Variants in ARFGEF2 observed in about 807,000 individuals in gnomAD.
ARFGEF2 encodes the protein ARF guanine nucleotide exchange factor 2.
Under a neutral mutation model 219.9 loss-of-function variants are expected in ARFGEF2, and 74 were observed. The observed-to-expected ratio is 0.34, with a 90% CI of 0.28 to 0.41. The LOEUF (loss-of-function observed/expected upper bound fraction) is 0.41. Among genes scored for constraint, ARFGEF2 ranks in the 10% least tolerant of loss-of-function variants. The pLI is 1.00. For missense variants in ARFGEF2, 1,743 were observed against 2,218.3 expected, an observed-to-expected ratio of 0.79 and a Z score of 4.30; for synonymous variants, 733 against 799.2, an observed-to-expected ratio of 0.92 and a Z score of 1.40.
chr20:49,003,841 A>T (rs1029102655), intron 25 of ARFGEF2, among the ~76,000 whole-genome samples: 2 of 152,188 alleles, frequency 1.3e-5, no homozygotes, highest in Admixed American at 1.3e-4. Flanking sequence ...ATAGACAAGT[A>T]CAATTTTTAA....
intron 26 of ARFGEF2, among the ~76,000 whole-genome samples, chr20:49,006,456 T>C (rs1247511874): frequency 6.6e-6 from 1 of 152,200 alleles, no homozygotes; most frequent in East Asian, 1.9e-4. Flanking sequence ...CAAATCTCTG[T>C]TTAATTCCAA....
At chr20:49,000,477 C>A (rs1421957036) in intron 25 of ARFGEF2, among the ~76,000 whole-genome samples, 7 of 152,136 alleles carry the variant, frequency 4.6e-5, no homozygotes, top group African/African-American at 1.4e-4. Flanking sequence ...TGTGGATGAT[C>A]CAGGGGAACT....
chr20:48,923,850 G>T (rs2090859247), intron 1 of ARFGEF2, among the ~76,000 whole-genome samples: 1 of 152,182 alleles, frequency 6.6e-6, no homozygotes, highest in Admixed American at 6.5e-5. Flanking sequence ...TTAACGCTGA[G>T]AATTTAATAG....
chr20:49,015,448 A>C (rs2091523848), intron 30 of ARFGEF2, among the ~76,000 whole-genome samples: 1 of 152,204 alleles, frequency 6.6e-6, no homozygotes, highest in Non-Finnish European at 1.5e-5. Flanking sequence ...ATGGCTACAA[A>C]ATAGTCTTAG....
rs373458714 is a variant in ARFGEF2 at position 48,976,023 on chromosome 20, G to A, written c.1782G>A (p.Glu594=). 1.0e-4 allele frequency: 167 copies of A among 1,612,264 alleles called. 1 individual carries two copies. In the South Asian group the frequency reaches 1.6e-3, roughly 15 times the overall value. The change falls in exon 14 of 39, where the codon GAG becomes GAA. Residue 594 remains glutamate (E), a synonymous_variant. Transcript: ENST00000371917. ...NPNHQTSLGQ[E]RLTDQEIGDG... ...ACTTTTGTTTCTCCGCAGGTCAGGA[G>A]AGGCTCACGGATCAGGAAATAGGGG...
At chr20:48,924,511 CAAAAAAAA>C (rs11476973) in intron 1 of ARFGEF2, among the ~76,000 whole-genome samples, 2 of 78,444 alleles carry the variant, frequency 2.5e-5, no homozygotes, top group African/African-American at 1.0e-4. Context: ...GACTCTGTCT[CAAAAAAAA>C]AAAAAAAAAA....
At chr20:48,950,771 A>G (rs1374817327) in intron 3 of ARFGEF2, among the ~76,000 whole-genome samples, 1 of 134,058 alleles carries the variant, frequency 7.5e-6, no homozygotes, top group African/African-American at 2.7e-5. Context: ...ATTCCAGCCT[A>G]GGTAACAGAA....
intron 6 of ARFGEF2, among the ~76,000 whole-genome samples, chr20:48,954,754 C>T (rs891574898): frequency 6.6e-6 from 1 of 152,072 alleles, no homozygotes; most frequent in Non-Finnish European, 1.5e-5. Flanking sequence ...AAAAAATTGC[C>T]ACCAAGAATG....
chr20:48,940,372 A>G (rs940204547), intron 1 of ARFGEF2, among the ~76,000 whole-genome samples: 4 of 152,250 alleles, frequency 2.6e-5, no homozygotes, highest in Admixed American at 2.6e-4. Flanking sequence ...TGATTAAGAA[A>G]AAGTATGTAT....
intron 36 of ARFGEF2, 86 bp from the exon 37 acceptor site, chr20:49,028,444 C>T (rs2091615833): frequency 2.1e-6 from 3 of 1,417,948 alleles, no homozygotes; most frequent in South Asian, 2.3e-5. Flanking sequence ...TTTCATATTT[C>T]ATAAAATAAC....
At chr20:49,021,537 AG>A (rs1173696687) in intron 34 of ARFGEF2, among the ~76,000 whole-genome samples, 1 of 151,966 alleles carries the variant, frequency 6.6e-6, no homozygotes, top group Non-Finnish European at 1.5e-5. Context: ...TAATTTGAAC[AG>A]GGAAAATTCA....
In ARFGEF2 at chr20:48,997,148, G is replaced by A. The variant is rs1269230206; in HGVS notation, c.3222-1045G>A. On this transcript the variant is annotated intron_variant, in intron 23 of 38. Transcript: ENST00000371917. ...TCTATTGTTAAGTGCATATAATGTC[G>A]TGTCTTTTGTGTTCCCATCTTCTTC... is the stretch of plus-strand genomic sequence containing the variant. Among the ~76,000 whole-genome samples the A allele has an allele frequency of 5.9e-5, 9 of 151,744 alleles. No individual in the cohort carries two copies. The South Asian group carries it at 1.0e-3, about 18-fold the overall frequency.
intron 1 of ARFGEF2, among the ~76,000 whole-genome samples, chr20:48,922,592 G>A (rs2090850056): frequency 6.6e-6 from 1 of 152,222 alleles, no homozygotes; most frequent in African/African-American, 2.4e-5. Context: ...TAAAATACAA[G>A]GTCTTCAGCG....
chr20:48,984,736 A>C lies in ARFGEF2; in HGVS notation c.1966A>C (p.Lys656Gln). ...IIEHGIELFN[K>Q]KPKRGIQFLQ... Reference sequence around the variant, plus strand: ...CATCTCTGCTTGAAACAGGTTCAACAAGAAACCCAAGAGGGGGATCCAGTT... The same window carrying C: ...CATCTCTGCTTGAAACAGGTTCAACCAGAAACCCAAGAGGGGGATCCAGTT... Residue 656 changes from lysine to glutamine, a missense_variant, in exon 15 of 39, where the codon AAG becomes CAG. Transcript: ENST00000371917. 1 of 1,614,088 alleles carries C rather than the reference A, an allele frequency of 6.2e-7. No homozygotes were observed. The highest frequency in any genetic ancestry group is 1.1e-5 in the South Asian group (1 of 91,078).
chr20:48,942,474 T>G (rs1170558772), intron 3 of ARFGEF2, among the ~76,000 whole-genome samples: 14 of 47,654 alleles, frequency 2.9e-4, no homozygotes, highest in African/African-American at 1.2e-3. Context: ...TCTTACTTGG[T>G]TTTTTTTTTT....
chr20:48,961,182 A>T (rs2091148266), intron 6 of ARFGEF2, among the ~76,000 whole-genome samples: 2 of 151,374 alleles, frequency 1.3e-5, no homozygotes, highest in Non-Finnish European at 1.5e-5. Flanking sequence ...ATTTTTTTTA[A>T]CTTTTTGGCT....
At chr20:49,021,611 G>A (rs961244662) in intron 34 of ARFGEF2, among the ~76,000 whole-genome samples, 9 of 152,062 alleles carry the variant, frequency 5.9e-5, no homozygotes, top group African/African-American at 2.2e-4. Flanking sequence ...ACTTTGGGAG[G>A]CTGAGGCGGG....
At chr20:48,985,319 G>C in intron 15 of ARFGEF2, 89 bp from the exon 16 acceptor site, 1 of 1,399,940 alleles carries the variant, frequency 7.1e-7, no homozygotes, top group South Asian at 1.2e-5. Flanking sequence ...TTAGGGCCAG[G>C]CTATTCTGAC....
At chr20:48,972,498 C>G in intron 11 of ARFGEF2, 73 bp downstream of exon 11, 7 of 1,128,882 alleles carry the variant, frequency 6.2e-6, no homozygotes, top group South Asian at 1.2e-5. Context: ...ATTAAGACTT[C>G]TAACCCCTCC....
Sources: allele counts gnomAD v4.1 joint callset (sites outside exome capture counted in the v4.1 genomes callset), GRCh38; gene constraint gnomAD v4.1.1; transcripts MANE v1.5; gene names NCBI Gene and HGNC (gene_info 2026-07-23, HGNC 2026-07-21).